PRKAR1B: variants seen among roughly 807,000 people sequenced by gnomAD.
PRKAR1B encodes protein kinase cAMP-dependent type I regulatory subunit beta, also known as cAMP-dependent protein kinase type I-beta regulatory subunit.
Under a neutral mutation model 46.5 loss-of-function variants are expected in PRKAR1B, and 22 were observed. That is an observed-to-expected ratio of 0.47 (90% CI 0.34 to 0.68). PRKAR1B has a LOEUF of 0.68. Among genes scored for constraint, PRKAR1B ranks in the 30% least tolerant of loss-of-function variants. PRKAR1B has a pLI of 0.01. For synonymous variants in PRKAR1B, 259 were observed against 217.7 expected (o/e 1.19, Z -1.67); for missense variants, 445 against 535.6 (o/e 0.83, Z 1.67).
chr7:668,896 G>C (rs975976833), intron 4 of PRKAR1B, among the ~76,000 whole-genome samples: 4 of 152,078 alleles, frequency 2.6e-5, no homozygotes, highest in African/African-American at 7.2e-5. Flanking sequence ...GGGAGGCTCT[G>C]AGTTCGGTCA....
rs141578909 is a variant in PRKAR1B at position 577,423 on chromosome 7, T to A, written c.891+1833A>T. Among the ~76,000 whole-genome samples the A allele has an allele frequency of 9.9e-3, 1,500 of 152,170 alleles. 24 individuals carry two copies. The highest frequency in any genetic ancestry group is 0.034 in the African/African-American group (1,418 of 41,530). On this transcript the variant is annotated intron_variant, in intron 9 of 10. Transcript: ENST00000537384. ...CAGGTACAGAGTTGGGGCGTGTGCT[T>A]AGGGAGCATGCAAGCGTGAGATCCT...
intron 4 of PRKAR1B, among the ~76,000 whole-genome samples, chr7:660,224 C>T (rs532291789): frequency 5.7e-4 from 87 of 152,130 alleles, no homozygotes; most frequent in African/African-American, 2.1e-3. Flanking sequence ...CTGGCATCAC[C>T]TCCCTGCTCA....
At chr7:683,894 C>G (rs1413060480) in intron 2 of PRKAR1B, among the ~76,000 whole-genome samples, 1 of 152,244 alleles carries the variant, frequency 6.6e-6, no homozygotes, top group Non-Finnish European at 1.5e-5. Context: ...TCCCCAGAGG[C>G]CCCCACTTCT....
intron 4 of PRKAR1B, 95 bp from the exon 5 acceptor site, chr7:607,547 C>T (rs2128465311): frequency 9.3e-7 from 1 of 1,079,880 alleles, no homozygotes; most frequent in African/African-American, 1.6e-5. Flanking sequence ...TAAATCGCTT[C>T]ACAGTCATTG....
intron 4 of PRKAR1B, among the ~76,000 whole-genome samples, chr7:624,271 A>G (rs1380861027): frequency 1.3e-5 from 2 of 152,182 alleles, no homozygotes; most frequent in Non-Finnish European, 2.9e-5. Flanking sequence ...CATCTCTACT[A>G]AAAATACAAA....
At chr7:609,555 C>G (rs916230624) in intron 4 of PRKAR1B, among the ~76,000 whole-genome samples, 1 of 152,176 alleles carries the variant, frequency 6.6e-6, no homozygotes, top group Non-Finnish European at 1.5e-5. Flanking sequence ...CATGGGCATC[C>G]GTGACCACAC....
rs1428913584 is a variant in PRKAR1B, at chr7:649,464, A to AT, written c.440+27764dup. Among the ~76,000 whole-genome samples the AT allele has an allele frequency of 3.9e-5, 6 of 152,222 alleles. No homozygotes were observed. The East Asian group carries it at 1.2e-3, about 29-fold the overall frequency. ...GTTAACTAAACGTTTATACATTAAC[A>AT]TTTTTGGTAAGTAATTATTCAATTG... is the stretch of plus-strand genomic sequence containing the variant. On this transcript the variant is annotated intron_variant, in intron 4 of 10. Coordinates refer to ENST00000537384, the MANE Select transcript of PRKAR1B (RefSeq NM_001164760.2).
chr7:655,639 T>C (rs1016192743), intron 4 of PRKAR1B, among the ~76,000 whole-genome samples: 8 of 152,234 alleles, frequency 5.3e-5, no homozygotes, highest in Non-Finnish European at 1.2e-4. Context: ...AAGCCAGGTA[T>C]GGTAGGGGTG....
At chr7:654,590 AC>A (rs907047193) in intron 4 of PRKAR1B, among the ~76,000 whole-genome samples, 2 of 151,556 alleles carry the variant, frequency 1.3e-5, no homozygotes, top group African/African-American at 4.9e-5. Context: ...CACCATCTTC[AC>A]CACCTTCACC....
At chr7:709,108 TAAAAAAAAAAAAAAAAA>T (rs67191707) in intron 2 of PRKAR1B, among the ~76,000 whole-genome samples, 1 of 70,208 alleles carries the variant, frequency 1.4e-5, no homozygotes, top group African/African-American at 5.9e-5. Flanking sequence ...TATTTAATAC[TAAAAAAAAAAAAAAAAA>T]AAAAAAAAAA....
chr7:641,375 C>T (rs772470144), intron 4 of PRKAR1B, among the ~76,000 whole-genome samples: 19 of 152,314 alleles, frequency 1.2e-4, no homozygotes, highest in South Asian at 4.1e-4. Flanking sequence ...CCGTATTGTT[C>T]ATAATAGCTC....
chr7:657,266 CGGATGGATGGAT>C (rs34846168), intron 4 of PRKAR1B, among the ~76,000 whole-genome samples: 18 of 98,738 alleles, frequency 1.8e-4, no homozygotes, highest in South Asian at 4.2e-4. Flanking sequence ...AATGGACGGA[CGGATGGATGGAT>C]GGATGGATGG....
chr7:694,582 T>G (rs1429598325), intron 2 of PRKAR1B, among the ~76,000 whole-genome samples: 1 of 151,254 alleles, frequency 6.6e-6, no homozygotes, highest in Non-Finnish European at 1.5e-5. Context: ...CAATGCCACC[T>G]CCATAGGAAG....
Position 554,678 on chromosome 7 carries a change from G to T in PRKAR1B, c.892-3208C>A, listed in dbSNP as rs1778308061. The stretch of plus-strand genomic sequence containing the variant: ...GAGCCAGAAGACAGGGGAGGCCACA[G>T]ATCCCACAGAGCCAGAAGACAGGGG... On this transcript the variant is annotated intron_variant, in intron 9 of 10. Coordinates refer to ENST00000537384, the MANE Select transcript of PRKAR1B (RefSeq NM_001164760.2). Among the ~76,000 whole-genome samples, 4 of 148,714 alleles carry T rather than the reference G, an allele frequency of 2.7e-5. No homozygotes were observed. The South Asian group carries it at 6.5e-4, about 24-fold the overall frequency.
intron 4 of PRKAR1B, among the ~76,000 whole-genome samples, chr7:630,886 G>C (rs1320874787): frequency 1.3e-5 from 2 of 151,988 alleles, no homozygotes; most frequent in African/African-American, 4.8e-5. Context: ...TTTCAGATAA[G>C]ATGGAAACTC....
chr7:628,815 TCGCCCACCCCCAAG>T (rs1783561042), intron 4 of PRKAR1B, among the ~76,000 whole-genome samples: 1 of 145,418 alleles, frequency 6.9e-6, no homozygotes, highest in South Asian at 2.2e-4. Flanking sequence ...CTGAAATTCC[TCGCCCACCCCCAAG>T]TCAGGCTCAA....
chr7:679,156 C>G (rs1302371817), intron 3 of PRKAR1B, among the ~76,000 whole-genome samples: 1 of 152,222 alleles, frequency 6.6e-6, no homozygotes, highest in African/African-American at 2.4e-5. Context: ...AAAGATCATT[C>G]TCGTGCACCT....
rs1337499697 is a variant in PRKAR1B at position 602,180 on chromosome 7, C to T, written c.549+4013G>A. Reference sequence around the variant, plus strand: ...GGGCAGGGGCTGGGCTGGGAGGGGACCCAGTGAGCTCAGGGCTGGAGGAAA... The same window carrying T: ...GGGCAGGGGCTGGGCTGGGAGGGGATCCAGTGAGCTCAGGGCTGGAGGAAA... On this transcript the variant is annotated intron_variant, in intron 6 of 10. Transcript: ENST00000537384. The surrounding 1 kb of genome is among the most constrained non-coding windows in gnomAD (Gnocchi z 6.4). Among the ~76,000 whole-genome samples, 1 of 152,112 alleles carries T rather than the reference C, an allele frequency of 6.6e-6. No homozygotes were observed. The highest frequency in any genetic ancestry group is 1.5e-5 in the Non-Finnish European group (1 of 67,998).
intron 9 of PRKAR1B, among the ~76,000 whole-genome samples, chr7:563,166 G>A (rs941531251): frequency 6.6e-6 from 1 of 152,146 alleles, no homozygotes; most frequent in African/African-American, 2.4e-5. Context: ...ACCAGGGCAG[G>A]TGCAGGTGGG....
Sources: gnomAD v4.1 joint callset for allele counts (sites outside exome capture counted in the v4.1 genomes callset) on GRCh38, gnomAD v4.1.1 for gene constraint, Gnocchi (gnomAD v3.1) non-coding constraint, MANE v1.5 for transcripts, NCBI Gene and HGNC (gene_info 2026-07-23, HGNC 2026-07-21) for gene names.